The following BOLA3 variants were observed in gnomAD, a reference collection of about 807,000 sequenced individuals.
The protein encoded by BOLA3 is bolA family member 3.
In BOLA3, 8 loss-of-function variants were observed where a neutral mutation model predicts 14.5. The ratio of observed to expected loss-of-function variants is 0.55; its 90% CI spans 0.32 to 0.99. The LOEUF is 0.99. Among genes scored for constraint, BOLA3 ranks in the 50% least tolerant of loss-of-function variants. The probability of loss-of-function intolerance (pLI) is 0.04; values close to 1 mark genes in which losing one functional copy is unlikely to be tolerated. For missense variants in BOLA3, 115 were observed against 138.2 expected (o/e 0.83, Z 0.84); for synonymous variants, 42 against 45.7 (o/e 0.92, Z 0.33).
chr2:74,147,352 G>C (rs916339492), intron 1 of BOLA3: 1 of 214,398 alleles, frequency 4.7e-6, no homozygotes, highest in Non-Finnish European at 9.3e-6. Flanking sequence ...AGGAGAGCGC[G>C]TGGGAAGTGC....
At chr2:74,139,191 C>T (rs1209526092) in intron 3 of BOLA3, among the ~76,000 whole-genome samples, 1 of 152,184 alleles carries the variant, frequency 6.6e-6, no homozygotes, top group African/African-American at 2.4e-5. Context: ...TGATGGGAAG[C>T]TCAGGAGGGA....
intron 1 of BOLA3, chr2:74,147,541 A>G: frequency 4.2e-6 from 2 of 479,338 alleles, no homozygotes; most frequent in Non-Finnish European, 7.4e-6. Context: ...CTGTGCCCGC[A>G]GTATTATGAC....
chr2:74,147,007 G>A (rs1388936124), intron 1 of BOLA3: 1 of 152,562 alleles, frequency 6.6e-6, no homozygotes, highest in Non-Finnish European at 1.5e-5. Context: ...GGGTGGGGTG[G>A]AGCTGCTTCT....
intron 3 of BOLA3, among the ~76,000 whole-genome samples, chr2:74,136,828 G>T (rs1369147468): frequency 2.6e-5 from 4 of 152,166 alleles, no homozygotes. Flanking sequence ...GGTCAGAGCA[G>T]GAAATAAAGT....
chr2:74,138,681 G>A lies in BOLA3; in HGVS notation c.259-3023C>T, dbSNP rs1423633310. On this transcript the variant is annotated intron_variant, in intron 3 of 3. Coordinates refer to ENST00000327428, the MANE Select transcript of BOLA3 (RefSeq NM_212552.3). ...GATTCTGGGCAACCAGGGGAGCCAC[G>A]TAAAGGCTCTGAGCAGGGGAAAGAC... Among the ~76,000 whole-genome samples, 8 of 152,352 alleles carry A rather than the reference G, an allele frequency of 5.3e-5. No homozygotes were observed. In the East Asian group the frequency reaches 1.4e-3, roughly 26 times the overall value.
At chr2:74,144,200 G>T (rs1692499069) in intron 2 of BOLA3, among the ~76,000 whole-genome samples, 2 of 149,828 alleles carry the variant, frequency 1.3e-5, no homozygotes, top group South Asian at 4.2e-4. Context: ...GAGACGGGGG[G>T]GTTTCACCAT....
At position 74,145,314 on chromosome 2, in the gene BOLA3, A is replaced by G. The variant is rs760670093; in HGVS notation, c.55-11T>C. The G allele has an allele frequency of 6.1e-6, 9 of 1,484,662 alleles. No homozygotes were observed. In the East Asian group the frequency reaches 1.6e-4, roughly 26 times the overall value. 92.0% of individuals were successfully genotyped at this position (1,484,662 alleles called of 1,614,324 possible). On this transcript the variant is annotated splice_polypyrimidine_tract_variant and intron_variant, in intron 1 of 3. Transcript: ENST00000327428. Reference sequence around the variant, plus strand: ...ATGGTGAAGTGGAAGCTGCCACAGAACAGAGAGGAAGGTCAGGGCAGAGGA... The same window carrying G: ...ATGGTGAAGTGGAAGCTGCCACAGAGCAGAGAGGAAGGTCAGGGCAGAGGA...
At chr2:74,143,303 A>C (rs2103651917) in intron 2 of BOLA3, among the ~76,000 whole-genome samples, 1 of 148,786 alleles carries the variant, frequency 6.7e-6, no homozygotes, top group South Asian at 2.1e-4. Flanking sequence ...CTATAGGCAC[A>C]CACCATCATG....
At chr2:74,136,012 C>T (rs934673762) in intron 3 of BOLA3, among the ~76,000 whole-genome samples, 10 of 149,998 alleles carry the variant, frequency 6.7e-5, no homozygotes, top group South Asian at 2.1e-4. Context: ...TGCAGTGGCG[C>T]GATATCGGCT....
At chr2:74,139,973 T>A (rs1692408834) in intron 3 of BOLA3, among the ~76,000 whole-genome samples, 1 of 152,064 alleles carries the variant, frequency 6.6e-6, no homozygotes, top group African/African-American at 2.4e-5. Context: ...ACCCCATCTC[T>A]ATATAAATAT....
In BOLA3 at chr2:74,147,852, G is replaced by A; in HGVS notation, c.23C>T (p.Ala8Val). 1 of 1,525,142 alleles carries A rather than the reference G, an allele frequency of 6.6e-7. No individual in the cohort carries two copies. The highest frequency in any genetic ancestry group is 8.7e-7 in the Non-Finnish European group (1 of 1,143,228). The allele number at this position is 1,525,142 out of a possible 1,614,324, so 94.5% of individuals were successfully genotyped here. The part of the protein sequence containing the change: MAAWSPA[A>V]AAPLLRGIRG... ...GATCCCGCGGAGGAGAGGCGCTGCCGCGGCCGGGCTCCATGCAGCCATGCC... is the reference window on the plus strand; with the variant it reads ...GATCCCGCGGAGGAGAGGCGCTGCCACGGCCGGGCTCCATGCAGCCATGCC... Residue 8 changes from alanine (A) to valine (V), a missense_variant, in exon 1 of 4, where the codon GCG (alanine) becomes GTG (valine). Ala to Val is a moderately conservative substitution (Grantham distance 64). Coordinates refer to ENST00000327428, the MANE Select transcript of BOLA3 (RefSeq NM_212552.3).
At chr2:74,145,102 G>C in intron 2 of BOLA3, 87 bp downstream of exon 2, 1 of 797,770 alleles carries the variant, frequency 1.3e-6, no homozygotes, top group Non-Finnish European at 2.3e-6. Flanking sequence ...CCAGCAGCAA[G>C]CCCCCTCCTC....
rs1420822210 is a variant in BOLA3, at chr2:74,135,644, T to C, written c.273A>G (p.Glu91=). 3.7e-6 allele frequency: 6 copies of C among 1,613,676 alleles called. No individual in the cohort carries two copies. The highest frequency in any genetic ancestry group is 8.5e-7 in the Non-Finnish European group (1 of 1,179,604). ...HQMVNQALKE[E]IKEMHGLRIF... ...TCCGCAATCCATGCATCTCTTTGAT[T>C]TCTTCTTTTAGTGCCTAAGTAAGAA... is the stretch of plus-strand genomic sequence containing the variant. The change falls in exon 4 of 4, where the codon GAA becomes GAG. Residue 91 remains glutamate, a synonymous_variant. Coordinates refer to ENST00000327428, the MANE Select transcript of BOLA3 (RefSeq NM_212552.3).
At chr2:74,135,787 C>CT in intron 3 of BOLA3, 129 bp from the exon 4 acceptor site, 2 of 761,012 alleles carry the variant, frequency 2.6e-6, no homozygotes, top group South Asian at 1.7e-5. Context: ...GCAATTTTTC[C>CT]TTTTTTTGAA....
chr2:74,147,581 A>G (rs1297505686), intron 1 of BOLA3: 4 of 567,334 alleles, frequency 7.1e-6, no homozygotes, highest in Non-Finnish European at 1.2e-5. Flanking sequence ...CTGACCTCCA[A>G]CCTCCACCCA....
intron 1 of BOLA3, 124 bp downstream of exon 1, chr2:74,147,697 C>T: frequency 1.2e-6 from 1 of 818,988 alleles, no homozygotes; most frequent in Admixed American, 2.1e-5. Flanking sequence ...AAGAGGAGCC[C>T]CCCATTGCCA....
intron 3 of BOLA3, among the ~76,000 whole-genome samples, chr2:74,141,455 A>T (rs191469845): frequency 6.6e-6 from 1 of 152,140 alleles, no homozygotes; most frequent in East Asian, 1.9e-4. Flanking sequence ...GGAGGACGGG[A>T]GGAAGGGCAA....
At chr2:74,138,620 A>T (rs1391825281) in intron 3 of BOLA3, among the ~76,000 whole-genome samples, 2 of 152,224 alleles carry the variant, frequency 1.3e-5, no homozygotes, top group Non-Finnish European at 2.9e-5. Flanking sequence ...AGATCACATG[A>T]AGAATGGGCA....
At chr2:74,142,231 G>T in intron 3 of BOLA3, 41 bp downstream of exon 3, 2 of 1,475,460 alleles carry the variant, frequency 1.4e-6, no homozygotes, top group Non-Finnish European at 1.9e-6. Flanking sequence ...CCCTTTGGAG[G>T]CTGAAGGCCA....
Sources: allele counts gnomAD v4.1 joint callset (sites outside exome capture counted in the v4.1 genomes callset), GRCh38; gene constraint gnomAD v4.1.1; transcripts MANE v1.5; gene names NCBI Gene and HGNC (gene_info 2026-07-23, HGNC 2026-07-21).